The following DRC1 variants were observed in gnomAD, a reference collection of about 807,000 sequenced individuals.
The protein encoded by DRC1 is dynein regulatory complex protein 1.
DRC1 carries 74 observed loss-of-function variants against 98.7 expected under a neutral mutation model. The ratio of observed to expected loss-of-function variants is 0.75; its 90% confidence interval spans 0.62 to 0.91. DRC1 has a LOEUF of 0.91. DRC1 is among the 40% of genes least tolerant of loss of function. The pLI is 0.00. For synonymous variants in DRC1, 336 were observed against 334.1 expected, an observed-to-expected ratio of 1.01 and a Z score of -0.06; for missense variants, 875 against 886.0, an observed-to-expected ratio of 0.99 and a Z score of 0.16.
At chr2:26,449,964 C>A (rs746646965) in intron 11 of DRC1, 32 bp from the exon 12 acceptor site, 11 of 1,603,912 alleles carry the variant, frequency 6.9e-6, no homozygotes, top group Non-Finnish European at 8.5e-6. Context: ...AAACCTGTCC[C>A]CGACAGGAGA....
intron 7 of DRC1, among the ~76,000 whole-genome samples, chr2:26,436,185 A>G (rs1663566980): frequency 6.7e-6 from 1 of 150,298 alleles, no homozygotes; most frequent in East Asian, 2.0e-4. Flanking sequence ...ATGGTATCTC[A>G]TCGTGGTTTT....
At chr2:26,448,224 CA>C (rs34461558) in intron 10 of DRC1, 18,290 of 296,656 alleles carry the variant, frequency 0.062, 78 homozygotes, top group East Asian at 0.13. Flanking sequence ...GACTCCATCT[CA>C]AAAAAAAAAA....
intron 7 of DRC1, among the ~76,000 whole-genome samples, chr2:26,438,087 C>CAAAAAA (rs61571007): frequency 1.0e-4 from 5 of 50,074 alleles, no homozygotes; most frequent in Admixed American, 4.2e-4. Flanking sequence ...GACTCTATCT[C>CAAAAAA]AAAAAAAAAA....
At chr2:26,435,182 G>A (rs1452240999) in intron 7 of DRC1, among the ~76,000 whole-genome samples, 6 of 152,210 alleles carry the variant, frequency 3.9e-5, no homozygotes, top group Non-Finnish European at 8.8e-5. Context: ...CCCAAAAGCA[G>A]CTGTGGAGAA....
intron 9 of DRC1, 130 bp from the exon 10 acceptor site, chr2:26,444,586 C>A (rs1663802826): frequency 2.8e-6 from 3 of 1,057,654 alleles, no homozygotes; most frequent in Admixed American, 5.6e-5. Context: ...TGGGAATCAG[C>A]CGCCCAGGGA....
chr2:26,423,328 G>A (rs891147296), intron 3 of DRC1, among the ~76,000 whole-genome samples: 2 of 151,968 alleles, frequency 1.3e-5, no homozygotes, highest in African/African-American at 4.8e-5. Context: ...AGCTTGGAAG[G>A]TGGGGTGGGT....
At chr2:26,424,981 G>A (rs933122074) in intron 4 of DRC1, among the ~76,000 whole-genome samples, 3 of 152,110 alleles carry the variant, frequency 2.0e-5, no homozygotes, top group Non-Finnish European at 4.4e-5. Context: ...AAACTGTATA[G>A]TTCAGTCATG....
chr2:26,440,799 A>G (rs938504490), intron 8 of DRC1, among the ~76,000 whole-genome samples: 1 of 152,116 alleles, frequency 6.6e-6, no homozygotes, highest in Non-Finnish European at 1.5e-5. Context: ...AGCCCACACA[A>G]ATATTCTCAT....
intron 7 of DRC1, 23 bp downstream of exon 7, chr2:26,432,029 G>C: frequency 6.2e-7 from 1 of 1,609,952 alleles, no homozygotes; most frequent in African/African-American, 1.3e-5. Flanking sequence ...GTCCTCACTA[G>C]GGTGCCTGGG....
intron 7 of DRC1, among the ~76,000 whole-genome samples, chr2:26,435,224 G>A (rs1013218336): frequency 1.3e-5 from 2 of 152,184 alleles, no homozygotes; most frequent in Admixed American, 6.5e-5. Flanking sequence ...AGGAGGGAAG[G>A]TGTTGTCAAC....
intron 9 of DRC1, 132 bp downstream of exon 9, chr2:26,444,488 CT>C: frequency 7.7e-7 from 1 of 1,294,912 alleles, no homozygotes; most frequent in Non-Finnish European, 1.0e-6. Context: ...ACTAGTTAAC[CT>C]TTTGTGGTGT....
At chr2:26,410,470 C>T (rs868834577) in intron 1 of DRC1, among the ~76,000 whole-genome samples, 36 of 152,102 alleles carry the variant, frequency 2.4e-4, no homozygotes, top group South Asian at 2.1e-3. Context: ...CAGGGTTTCA[C>T]CATGTTGGCC....
At chr2:26,448,420 T>A (rs1279847666) in intron 10 of DRC1, 2 of 598,182 alleles carry the variant, frequency 3.3e-6, no homozygotes. Flanking sequence ...GTATGATGTT[T>A]CCAGGTAGAC....
At position 26,440,451 on chromosome 2, in the gene DRC1, A is replaced by C. The variant is rs1252381776; in HGVS notation, c.962A>C (p.Gln321Pro). 6.2e-7 allele frequency: 1 copy of C among 1,613,446 alleles called. No individual in the cohort carries two copies. The highest frequency in any genetic ancestry group is 1.3e-5 in the African/African-American group (1 of 74,984). ...LNQEKLEYNLQVLKKRDEEST... is the reference protein window; with the variant it reads ...LNQEKLEYNLPVLKKRDEEST... ...CAAGAGAAATTAGAGTACAACTTGC[A>C]GGTGCTGAAGAAGAGAGATGAAGAA... is the stretch of plus-strand genomic sequence containing the variant. Residue 321 changes from glutamine (Q) to proline (P), a missense_variant, in exon 8 of 17, where the codon CAG (glutamine) becomes CCG (proline). Coordinates refer to ENST00000288710, the MANE Select transcript of DRC1 (RefSeq NM_145038.5).
chr2:26,455,354 T>C (rs1053506843), intron 16 of DRC1, 121 bp downstream of exon 16: 3 of 918,982 alleles, frequency 3.3e-6, no homozygotes, highest in Admixed American at 2.7e-5. Flanking sequence ...CTTTGTGATA[T>C]GATGTAAAAA....
rs143613949 is a variant in DRC1, at chr2:26,444,834, C to G, written c.1282C>G (p.Leu428Val). ...DVDRIIHTHH[L>V]GLPWAAPDFW... ...GGACAGGATCATCCACACCCATCAT[C>G]TGGGGCTTCCCTGGGCAGCACCTGA... The change falls in exon 10 of 17, where the codon CTG becomes GTG. Residue 428 changes from leucine (L) to valine (V), a missense_variant. Coordinates refer to ENST00000288710, the MANE Select transcript of DRC1 (RefSeq NM_145038.5). 11 of 1,614,218 alleles carry G rather than the reference C, an allele frequency of 6.8e-6. No individual in the cohort carries two copies. Among genetic ancestry groups the G allele is most frequent in the African/African-American group, 6.7e-5 (5 of 75,058 alleles).
intron 7 of DRC1, among the ~76,000 whole-genome samples, chr2:26,432,438 A>G (rs7593738): frequency 0.88 from 133,960 of 152,018 alleles, 59,975 homozygotes; most frequent in Non-Finnish European, 0.92. Flanking sequence ...GTTTAAGGCT[A>G]TAGTGAGCTG....
chr2:26,406,118 G>A (rs1444697415), intron 1 of DRC1, among the ~76,000 whole-genome samples: 1 of 152,138 alleles, frequency 6.6e-6, no homozygotes, highest in Non-Finnish European at 1.5e-5. Flanking sequence ...AAGGAAAAGA[G>A]ATTAAAATAT....
intron 4 of DRC1, among the ~76,000 whole-genome samples, chr2:26,428,972 G>A (rs532652863): frequency 7.9e-5 from 12 of 152,184 alleles, no homozygotes; most frequent in East Asian, 1.9e-4. Flanking sequence ...ATATGTTCTC[G>A]TGTTGGAACC....
Sources: allele counts gnomAD v4.1 joint callset (sites outside exome capture counted in the v4.1 genomes callset), GRCh38; gene constraint gnomAD v4.1.1; transcripts MANE v1.5; gene names NCBI Gene and HGNC (gene_info 2026-07-23, HGNC 2026-07-21).